Variants in CDKL1 observed in about 807,000 individuals in gnomAD.
CDKL1 encodes cyclin dependent kinase like 1.
CDKL1 carries 41 observed loss-of-function variants against 42.0 expected under a neutral mutation model. The observed-to-expected ratio is 0.98, with a 90% CI of 0.76 to 1.27. CDKL1 has a LOEUF of 1.27. Among genes scored for constraint, CDKL1 ranks in the 50% most tolerant of loss-of-function variants. The probability of loss-of-function intolerance (pLI) is 0.00; values close to 1 mark genes in which losing one functional copy is unlikely to be tolerated. For synonymous variants in CDKL1, 153 were observed against 158.6 expected (o/e 0.96, Z 0.26); for missense variants, 394 against 428.4 (o/e 0.92, Z 0.71).
In CDKL1 at chr14:50,326,618, A is replaced by C; in HGVS notation, c.*3456T>G. 1.0e-6 allele frequency: 1 copy of C among 985,456 alleles called. No individual in the cohort carries two copies. Among genetic ancestry groups the C allele is most frequent in the Non-Finnish European group, 1.2e-6 (1 of 829,930 alleles). The allele number at this position is 985,456 out of a possible 1,614,324, so 61.0% of individuals were successfully genotyped here. A position where few individuals can be genotyped will look rare whatever the true frequency, so the allele number is the denominator to read the frequency against. ...TGCTGCTTAATTTGTCTATTTTGTA[A>C]GCTTAGGCTACTATTTTATTAAAAC... On this transcript the variant is annotated 3_prime_UTR_variant, in exon 10 of 10. Coordinates refer to ENST00000395834, the MANE Select transcript of CDKL1 (RefSeq NM_004196.7).
intron 2 of CDKL1, among the ~76,000 whole-genome samples, chr14:50,394,696 A>T (rs1359843443): frequency 6.6e-6 from 1 of 152,218 alleles, no homozygotes; most frequent in Non-Finnish European, 1.5e-5. Flanking sequence ...ATTACATGTC[A>T]CCTTTCACAT....
rs914532594 is a variant in CDKL1 at position 50,369,621 on chromosome 14, C to T, written c.169-10472G>A. 6.0e-5 allele frequency among the ~76,000 whole-genome samples: 9 copies of T among 150,022 alleles called. No homozygotes were observed. The South Asian group carries it at 1.9e-3, about 32-fold the overall frequency. The stretch of plus-strand genomic sequence containing the variant: ...ATATACACACATGCACACACACACA[C>T]ACACACACACACACATATATATATA... On this transcript the variant is annotated intron_variant, in intron 2 of 9. Transcript: ENST00000395834.
At chr14:50,355,183 C>A (rs145855777) in intron 3 of CDKL1, among the ~76,000 whole-genome samples, 1 of 151,874 alleles carries the variant, frequency 6.6e-6, no homozygotes, top group African/African-American at 2.4e-5. Context: ...TTATAATTTA[C>A]GTAACTAATT....
At chr14:50,377,742 A>G (rs767132925) in intron 2 of CDKL1, 2 of 1,249,928 alleles carry the variant, frequency 1.6e-6, no homozygotes, top group Admixed American at 2.7e-5. Flanking sequence ...GCAGTGGCAC[A>G]TGAGTGGTAT....
intron 2 of CDKL1, among the ~76,000 whole-genome samples, chr14:50,368,865 C>T (rs774060967): frequency 1.3e-5 from 2 of 148,600 alleles, no homozygotes; most frequent in Non-Finnish European, 1.5e-5. Flanking sequence ...TAGTTGCCAA[C>T]CTTTTTTTTT....
chr14:50,383,683 G>T (rs1300632576), intron 2 of CDKL1, among the ~76,000 whole-genome samples: 1 of 152,110 alleles, frequency 6.6e-6, no homozygotes, highest in East Asian at 1.9e-4. Context: ...TTATCAATGT[G>T]AATTACAAAA....
At chr14:50,397,122 C>T, upstream of CDKL1, 1 of 1,364,672 alleles carries the variant, frequency 7.3e-7, no homozygotes, top group Non-Finnish European at 9.8e-7. Context: ...GCAGGCCGTG[C>T]AAAGCGCAGC....
intron 2 of CDKL1, among the ~76,000 whole-genome samples, chr14:50,384,642 A>G (rs2035016962): frequency 6.6e-6 from 1 of 150,696 alleles, no homozygotes. Context: ...CCACAGTGAT[A>G]TGAAAAGGAG....
intron 2 of CDKL1, chr14:50,377,641 G>T: frequency 7.9e-7 from 1 of 1,265,962 alleles, no homozygotes; most frequent in East Asian, 5.5e-5. Flanking sequence ...TGATAAGTGG[G>T]GTGGGAGGAG....
intron 2 of CDKL1, among the ~76,000 whole-genome samples, chr14:50,378,797 A>G (rs1194026299): frequency 1.3e-5 from 2 of 151,746 alleles, no homozygotes; most frequent in African/African-American, 4.8e-5. Context: ...TCCGCATCCC[A>G]AAGTGTTGGG....
At chr14:50,350,229 A>T (rs1419889113) in intron 3 of CDKL1, among the ~76,000 whole-genome samples, 1 of 152,194 alleles carries the variant, frequency 6.6e-6, no homozygotes, top group Non-Finnish European at 1.5e-5. Context: ...ATGTTCTTAA[A>T]ATTGTAGCCC....
chr14:50,378,270 C>T, intron 2 of CDKL1: 1 of 1,366,484 alleles, frequency 7.3e-7, no homozygotes, highest in Non-Finnish European at 9.8e-7. Flanking sequence ...CCTTCTAGGG[C>T]CCACGGACCT....
At chr14:50,354,455 A>G (rs2033996419) in intron 3 of CDKL1, among the ~76,000 whole-genome samples, 1 of 152,242 alleles carries the variant, frequency 6.6e-6, no homozygotes, top group South Asian at 2.1e-4. Context: ...CTGTGCAGGA[A>G]AGAATCAATG....
intron 3 of CDKL1, among the ~76,000 whole-genome samples, chr14:50,347,271 A>C (rs1282642394): frequency 6.6e-6 from 1 of 152,094 alleles, no homozygotes; most frequent in East Asian, 1.9e-4. Flanking sequence ...CCAGTTTTTC[A>C]CTGTTGGAGA....
At position 50,334,514 on chromosome 14, in the gene CDKL1, T is replaced by C. The variant is rs374989440; in HGVS notation, c.795+51A>G. On this transcript the variant is annotated intron_variant, in intron 8 of 9. Coordinates refer to ENST00000395834, the MANE Select transcript of CDKL1 (RefSeq NM_004196.7). ...GACATAAGTAATTCAGATTCCCCAG[T>C]GATGACAACTGCTGTGTGCTTCCTG... is the stretch of plus-strand genomic sequence containing the variant. 1.5e-5 allele frequency: 15 copies of C among 986,628 alleles called. No homozygotes were observed. The East Asian group carries it at 3.6e-4, about 24-fold the overall frequency. The allele number at this position is 986,628 out of a possible 1,614,324, so 61.1% of individuals were successfully genotyped here.
At chr14:50,360,847 G>A (rs1031312294) in intron 2 of CDKL1, among the ~76,000 whole-genome samples, 6 of 146,684 alleles carry the variant, frequency 4.1e-5, no homozygotes, top group Middle Eastern at 3.4e-3. Flanking sequence ...TTCACTTAAC[G>A]TTATGTCCTC....
intron 2 of CDKL1, among the ~76,000 whole-genome samples, chr14:50,361,192 C>A (rs1251892712): frequency 6.6e-6 from 1 of 152,138 alleles, no homozygotes; most frequent in Non-Finnish European, 1.5e-5. Context: ...AATTGAAGTT[C>A]TTGAACTGCA....
chr14:50,346,304 G>A (rs991105586), intron 3 of CDKL1, among the ~76,000 whole-genome samples: 13 of 152,232 alleles, frequency 8.5e-5, no homozygotes, highest in African/African-American at 3.1e-4. Context: ...CCAGGTCTAT[G>A]TCCCTGTGTT....
chr14:50,395,163 T>C (rs1407211760), intron 2 of CDKL1, among the ~76,000 whole-genome samples: 1 of 152,194 alleles, frequency 6.6e-6, no homozygotes, highest in African/African-American at 2.4e-5. Context: ...CAATAGGAAA[T>C]ACCTTAGAAG....
Sources: allele counts gnomAD v4.1 joint callset (sites outside exome capture counted in the v4.1 genomes callset), GRCh38; gene constraint gnomAD v4.1.1; transcripts MANE v1.5; gene names NCBI Gene and HGNC (gene_info 2026-07-23, HGNC 2026-07-21).